Variants in PGM5 observed in about 807,000 individuals in gnomAD.
PGM5 encodes the protein phosphoglucomutase 5.
Under a neutral mutation model 59.2 loss-of-function variants are expected in PGM5, and 23 were observed. The ratio of observed to expected loss-of-function variants is 0.39; its 90% CI spans 0.28 to 0.55. The LOEUF (loss-of-function observed/expected upper bound fraction) is 0.55, where lower values mean the gene tolerates loss of function less well. Ranked by LOEUF, PGM5 falls within the 20% of genes least tolerant of loss-of-function variation. PGM5 has a pLI of 0.66. For missense variants in PGM5, 574 were observed against 748.3 expected (o/e 0.77, Z 2.72); for synonymous variants, 214 against 286.0 (o/e 0.75, Z 2.54).
At chr9:68,487,822 G>A (rs1009645578) in intron 9 of PGM5, among the ~76,000 whole-genome samples, 15 of 152,170 alleles carry the variant, frequency 9.9e-5, no homozygotes, top group East Asian at 1.9e-4. Flanking sequence ...ATTGTAAATC[G>A]TGTGAGCAAT....
Position 68,485,361 on chromosome 9 carries a change from A to G in PGM5, c.1479+1313A>G, listed in dbSNP as rs1321989549. Among the ~76,000 whole-genome samples the G allele has an allele frequency of 2.6e-5, 4 of 152,262 alleles. No individual in the cohort carries two copies. The East Asian group carries it at 7.7e-4, about 29-fold the overall frequency. On this transcript the variant is annotated intron_variant, in intron 9 of 10. Transcript: ENST00000396396. ...CCACCCAAATCTCATCTTGAACTGTAGCTCCCATAATCCCCACGTGTCATG... is the reference window on the plus strand; with the variant it reads ...CCACCCAAATCTCATCTTGAACTGTGGCTCCCATAATCCCCACGTGTCATG...
Position 68,356,990 on chromosome 9 carries a change from G to T in PGM5, c.-138G>T, listed in dbSNP as rs1481110618. ...GTCCCCAGGCGGGCGGGTGCAGGGC[G>T]CAGGGCGCCGACCTGCTGGAGAGGG... is the stretch of plus-strand genomic sequence containing the variant. On this transcript the variant is annotated 5_prime_UTR_variant, in exon 1 of 11. Coordinates refer to ENST00000396396, the MANE Select transcript of PGM5 (RefSeq NM_021965.4). The T allele has an allele frequency of 1.8e-5, 16 of 901,502 alleles. No individual in the cohort carries two copies. The highest frequency in any genetic ancestry group is 3.5e-4 in the Middle Eastern group (1 of 2,850). 55.8% of individuals were successfully genotyped at this position (901,502 alleles called of 1,614,324 possible). A position where few individuals can be genotyped will look rare whatever the true frequency, so the allele number is the denominator to read the frequency against.
intron 9 of PGM5, among the ~76,000 whole-genome samples, chr9:68,486,010 A>G (rs1326204408): frequency 6.6e-6 from 1 of 152,232 alleles, no homozygotes; most frequent in African/African-American, 2.4e-5. Flanking sequence ...AGACCCTCTC[A>G]GGATGTCAAC....
At chr9:68,526,683 C>T (rs1824980545) in intron 10 of PGM5, among the ~76,000 whole-genome samples, 1 of 152,100 alleles carries the variant, frequency 6.6e-6, no homozygotes, top group Non-Finnish European at 1.5e-5. Flanking sequence ...ACAGCGGGAA[C>T]TTAAGGACAA....
intron 6 of PGM5, 112 bp downstream of exon 6, chr9:68,392,585 A>G (rs1822393981): frequency 2.0e-6 from 3 of 1,523,644 alleles, no homozygotes; most frequent in South Asian, 2.6e-5. Context: ...ATGCGTTGAA[A>G]GCATGGGAAC....
chr9:68,457,444 T>G (rs1189334402), intron 6 of PGM5, among the ~76,000 whole-genome samples: 1 of 152,228 alleles, frequency 6.6e-6, no homozygotes, highest in African/African-American at 2.4e-5. Flanking sequence ...ACTCTGTTAC[T>G]CATAGAGTAG....
At chr9:68,520,123 TAAA>T (rs1035663471) in intron 10 of PGM5, among the ~76,000 whole-genome samples, 1 of 148,346 alleles carries the variant, frequency 6.7e-6, no homozygotes, top group African/African-American at 2.4e-5. Context: ...AAGCTCGTTA[TAAA>T]AAATACATCT....
intron 6 of PGM5, among the ~76,000 whole-genome samples, chr9:68,412,875 A>G (rs1228960026): frequency 1.3e-5 from 2 of 152,218 alleles, no homozygotes; most frequent in African/African-American, 4.8e-5. Context: ...GGAGAAATCC[A>G]GTTGCATGGA....
chr9:68,503,652 C>T lies in PGM5; in HGVS notation c.1614+4291C>T, dbSNP rs561494462. Among the ~76,000 whole-genome samples the T allele has an allele frequency of 1.1e-3, 175 of 152,312 alleles. 1 individual carries two copies. The South Asian group carries it at 0.035, about 30-fold the overall frequency. On this transcript the variant is annotated intron_variant, in intron 10 of 10. Transcript: ENST00000396396. ...TGCATCCTCTCTTAGAACCGCATCT[C>T]TTTGGAGATGGCTTTCTAAGAAAAC...
At chr9:68,402,720 T>G (rs1184302358) in intron 6 of PGM5, among the ~76,000 whole-genome samples, 4 of 152,220 alleles carry the variant, frequency 2.6e-5, no homozygotes, top group African/African-American at 9.6e-5. Context: ...CAGAGAAGTT[T>G]GGTGCTTGAC....
Position 68,529,541 on chromosome 9 carries a change from C to T in PGM5, c.1615-26C>T, listed in dbSNP as rs201954973. ...CAAAATGTAACTGACTTGAGTTGTT[C>T]ACAGACTTTCCTTTTCCTTTTGCAG... On this transcript the variant is annotated intron_variant, in intron 10 of 10. Transcript: ENST00000396396. The T allele has an allele frequency of 9.2e-6, 14 of 1,529,620 alleles. 2 individuals are homozygous for T. In the African/African-American group the frequency reaches 1.4e-4, roughly 15 times the overall value. 94.8% of individuals were successfully genotyped at this position (1,529,620 alleles called of 1,614,324 possible).
rs1824244076 is a variant in PGM5, at chr9:68,483,974, C to A, written c.1405C>A (p.His469Asn). ...FIGQQFAVGS[H>N]VYSVAKTDSF... is the part of the protein sequence containing the mutation. ...TGGCCAGCAGTTTGCTGTGGGGAGC[C>A]ATGTCTACAGCGTGGCGAAGACGGA... Residue 469 changes from histidine (H) to asparagine (N), a missense_variant, in exon 9 of 11, where the codon CAT (histidine) becomes AAT (asparagine). Around this residue, in one of 7 missense-constraint regions of PGM5, gnomAD observed 300 missense variants for 280.0 expected, o/e 1.07. Transcript: ENST00000396396. The A allele has an allele frequency of 1.5e-5, 25 of 1,614,048 alleles. No individual in the cohort carries two copies. The highest frequency in any genetic ancestry group is 2.0e-5 in the Non-Finnish European group (24 of 1,179,964).
rs573942381 is a variant in PGM5, at chr9:68,414,270, G to C, written c.1043+21797G>C. Among the ~76,000 whole-genome samples, 105 of 152,182 alleles carry C rather than the reference G, an allele frequency of 6.9e-4. 1 individual carries two copies. In the East Asian group the frequency reaches 0.02, roughly 28 times the overall value. ...ACCTCTTTTCTTAATAAATTACCCA[G>C]CCTCAGGTATTCCTTTATAGCCACA... On this transcript the variant is annotated intron_variant, in intron 6 of 10. Coordinates refer to ENST00000396396, the MANE Select transcript of PGM5 (RefSeq NM_021965.4).
chr9:68,407,517 T>C (rs1443447257), intron 6 of PGM5, among the ~76,000 whole-genome samples: 13 of 152,184 alleles, frequency 8.5e-5, no homozygotes, highest in Non-Finnish European at 1.8e-4. Flanking sequence ...GGTGCTCCCA[T>C]AGAACACATA....
At chr9:68,364,680 A>G (rs1405485290) in intron 1 of PGM5, among the ~76,000 whole-genome samples, 1 of 152,096 alleles carries the variant, frequency 6.6e-6, no homozygotes, top group Non-Finnish European at 1.5e-5. Flanking sequence ...TAGCAAATCT[A>G]TTATGTGAGC....
In PGM5 at chr9:68,457,237, T is replaced by C. The variant is rs577660049; in HGVS notation, c.1044-7856T>C. Among the ~76,000 whole-genome samples, 19 of 152,348 alleles carry C rather than the reference T, an allele frequency of 1.2e-4. No homozygotes were observed. In the South Asian group the frequency reaches 3.9e-3, roughly 32 times the overall value. ...TGATTACGTTTATCAATCTTTTTCT[T>C]ATATTTAGACCCAACTTATAGAATA... On this transcript the variant is annotated intron_variant, in intron 6 of 10. Transcript: ENST00000396396.
chr9:68,381,024 A>G (rs1453346939), intron 2 of PGM5, among the ~76,000 whole-genome samples: 10 of 151,936 alleles, frequency 6.6e-5, no homozygotes, highest in Non-Finnish European at 1.3e-4. Flanking sequence ...ATTATTACCA[A>G]CACTTCTTAG....
rs543441362 is a variant in PGM5 at position 68,465,207 on chromosome 9, T to C, written c.1158T>C (p.Thr386=). 7.5e-6 allele frequency: 12 copies of C among 1,595,730 alleles called. No homozygotes were observed. In the South Asian group the frequency reaches 1.1e-4, roughly 15 times the overall value. Residue 386 remains threonine (T), a splice_region_variant and synonymous_variant, in exon 7 of 11, where the codon ACT becomes ACC. Transcript: ENST00000396396. ...CNLCGEESFG[T]GSDHLREKDG... ...TGTGTGGGGAAGAGAGCTTTGGCAC[T>C]GGTAGGCTTTGTTGGGTTGATATTA...
In PGM5 at chr9:68,479,421, C is replaced by G. The variant is rs782331361; in HGVS notation, c.1163C>G (p.Ser388Cys). The G allele has an allele frequency of 1.2e-6, 2 of 1,610,196 alleles. No homozygotes were observed. Among genetic ancestry groups the G allele is most frequent in the Non-Finnish European group, 8.5e-7 (1 of 1,178,896 alleles). Reference sequence around the variant, plus strand: ...AGAATTTTTCTTTCACCTTTAGGCTCTGACCACCTCCGAGAGAAGGATGGC... The same window carrying G: ...AGAATTTTTCTTTCACCTTTAGGCTGTGACCACCTCCGAGAGAAGGATGGC... ...LCGEESFGTG[S>C]DHLREKDGLW... The change falls in exon 8 of 11, where the codon TCT (serine) becomes TGT (cysteine). Residue 388 changes from serine to cysteine, a missense_variant. This residue lies in a region of PGM5 where 300 missense variants were observed against 280.0 expected (regional missense o/e 1.07). Transcript: ENST00000396396.
Sources: allele counts gnomAD v4.1 joint callset (sites outside exome capture counted in the v4.1 genomes callset), GRCh38; gene constraint gnomAD v4.1.1; regional missense constraint gnomAD v4.1.1; transcripts MANE v1.5; gene names NCBI Gene and HGNC (gene_info 2026-07-23, HGNC 2026-07-21).